Variants in TMEM272 observed in about 807,000 individuals in gnomAD.
TMEM272 encodes the protein transmembrane protein 272, also known as long intergenic non-protein coding RNA 282.
In TMEM272, 8 loss-of-function variants were observed where a neutral mutation model predicts 3.7. The observed-to-expected ratio is 2.17, with a 90% confidence interval of 1.27 to 3.91. The LOEUF (loss-of-function observed/expected upper bound fraction) is 3.91, where lower values mean the gene tolerates loss of function less well. Among genes scored for constraint, TMEM272 ranks in the 30% most tolerant of loss-of-function variants. The pLI is 0.00. For synonymous variants in TMEM272, 63 were observed against 39.8 expected (o/e 1.58, Z -2.20); for missense variants, 166 against 91.5 (o/e 1.81, Z -3.32).
At chr13:51,834,459 C>A (rs949823379) in intron 2 of TMEM272, among the ~76,000 whole-genome samples, 7 of 152,160 alleles carry the variant, frequency 4.6e-5, no homozygotes, top group Admixed American at 3.9e-4. Context: ...CAAGTAGGAG[C>A]TCAGAGTCAA....
In TMEM272 at chr13:51,822,069, C is replaced by T. The variant is rs776267662; in HGVS notation, c.187G>A (p.Val63Ile). ...IPLYLLVGGI[V>I]GTLKVSLLLY... ...AGATACTTTACCTTTAAGGTACCGA[C>T]GATGCCACCCACTAGCAAATATAAA... The change falls in exon 4 of 5, where the codon GTC becomes ATC. Residue 63 changes from valine to isoleucine, a missense_variant. By Grantham distance (29) the Val-to-Ile change is conservative. Coordinates refer to ENST00000629372, the MANE Select transcript of TMEM272 (RefSeq NM_001351003.2). 4.8e-5 allele frequency: 34 copies of T among 702,358 alleles called. No individual in the cohort carries two copies. Among genetic ancestry groups the T allele is most frequent in the South Asian group, 4.3e-4 (29 of 67,598 alleles). The allele number at this position is 702,358 out of a possible 1,614,324, so 43.5% of individuals were successfully genotyped here.
rs1593598855 is a variant in TMEM272, at chr13:51,838,482, C to T, written c.49G>A (p.Ala17Thr). ...KTCHQCISKI[A>T]SNACFVVVLC... is the part of the protein sequence containing the mutation. ...CAGAGTTGTGACTCACCATTGCTGG[C>T]GATTTTAGAAATGCACTGATGACAC... Residue 17 changes from alanine (A) to threonine (T), a missense_variant, in exon 2 of 5, where the codon GCC (alanine) becomes ACC (threonine). Transcript: ENST00000629372. The T allele has an allele frequency of 4.3e-6, 3 of 702,980 alleles. No individual in the cohort carries two copies. Among genetic ancestry groups the T allele is most frequent in the African/African-American group, 1.7e-5 (1 of 57,338 alleles). 43.5% of individuals were successfully genotyped at this position (702,980 alleles called of 1,614,324 possible).
At chr13:51,843,714 C>T (rs1218823581) in intron 1 of TMEM272, among the ~76,000 whole-genome samples, 1 of 152,216 alleles carries the variant, frequency 6.6e-6, no homozygotes, top group Non-Finnish European at 1.5e-5. Context: ...ACTTACAAGT[C>T]TATCCTTGGG....
chr13:51,831,283 G>A (rs143300651), intron 2 of TMEM272, among the ~76,000 whole-genome samples: 4 of 152,228 alleles, frequency 2.6e-5, no homozygotes, highest in Non-Finnish European at 4.4e-5. Flanking sequence ...TTAGCCAGGC[G>A]TGGTGGTGCA....
chr13:51,834,881 G>T (rs1356053548), intron 2 of TMEM272, among the ~76,000 whole-genome samples: 1 of 152,236 alleles, frequency 6.6e-6, no homozygotes, highest in African/African-American at 2.4e-5. Flanking sequence ...TTTCACTGCT[G>T]CCCAGGGATG....
chr13:51,919,465 T>C, the TMEM272 span, among the ~76,000 whole-genome samples: 2 of 152,190 alleles, frequency 1.3e-5, no homozygotes, highest in Non-Finnish European at 2.9e-5. Context: ...CTGAACTTGG[T>C]ATATAGCCCC....
At chr13:51,859,505 AACACACAC>A in the TMEM272 span, among the ~76,000 whole-genome samples, 3,580 of 129,940 alleles carry the variant, frequency 0.028, 74 homozygotes, top group Admixed American at 0.078. Flanking sequence ...CTCCCAACCA[AACACACAC>A]ACACACACAC....
the TMEM272 span, among the ~76,000 whole-genome samples, chr13:51,917,929 C>A: frequency 6.6e-6 from 1 of 152,202 alleles, no homozygotes. Flanking sequence ...TCAGTAACTT[C>A]TTTCCTGTTT....
At chr13:51,840,339 G>A (rs1593599923) in intron 1 of TMEM272, among the ~76,000 whole-genome samples, 1 of 152,138 alleles carries the variant, frequency 6.6e-6, no homozygotes, top group Admixed American at 6.5e-5. Context: ...TATTTAACCA[G>A]GCAAAGATTC....
chr13:51,867,399 C>T, the TMEM272 span, among the ~76,000 whole-genome samples: 3 of 152,272 alleles, frequency 2.0e-5, no homozygotes, highest in Middle Eastern at 3.4e-3. Context: ...CCCTGGGTCA[C>T]GGGAAGTGAC....
chr13:51,846,184 C>T (rs1956303631), upstream of TMEM272, among the ~76,000 whole-genome samples: 1 of 152,224 alleles, frequency 6.6e-6, no homozygotes, highest in Non-Finnish European at 1.5e-5. Flanking sequence ...CCACTTCACA[C>T]CACAGGACAG....
At chr13:51,863,678 C>CAG in the TMEM272 span, among the ~76,000 whole-genome samples, 9 of 96,034 alleles carry the variant, frequency 9.4e-5, no homozygotes, top group East Asian at 2.8e-4. Flanking sequence ...CACAGACACA[C>CAG]ACACACACAC....
upstream of TMEM272, among the ~76,000 whole-genome samples, chr13:51,845,705 G>T (rs1418350034): frequency 6.6e-6 from 1 of 152,228 alleles, no homozygotes; most frequent in Non-Finnish European, 1.5e-5. Context: ...TGAGGCTGTT[G>T]TGTGTCTGTA....
chr13:51,919,851 CT>C, the TMEM272 span, among the ~76,000 whole-genome samples: 1 of 152,208 alleles, frequency 6.6e-6, no homozygotes, highest in East Asian at 1.9e-4. Flanking sequence ...GACTCCCCCA[CT>C]CAAATGCAAG....
At chr13:51,896,081 C>A in the TMEM272 span, among the ~76,000 whole-genome samples, 2 of 152,174 alleles carry the variant, frequency 1.3e-5, no homozygotes, top group African/African-American at 2.4e-5. Context: ...CTGCTAAATT[C>A]TATTAGTGTT....
chr13:51,933,415 T>C, the TMEM272 span: 4 of 152,192 alleles, frequency 2.6e-5, no homozygotes, highest in Non-Finnish European at 5.9e-5. Context: ...TGGCAAGTAA[T>C]GGACAATGAA....
chr13:51,853,239 T>C, the TMEM272 span, among the ~76,000 whole-genome samples: 18 of 151,908 alleles, frequency 1.2e-4, no homozygotes, highest in African/African-American at 3.9e-4. Flanking sequence ...TGAAACCCCA[T>C]CTCTACTAAA....
the TMEM272 span, chr13:51,910,040 G>A: frequency 1.4e-6 from 2 of 1,430,456 alleles, no homozygotes; most frequent in South Asian, 1.1e-5. Context: ...GAAATCCCTT[G>A]AAGGTCATTT....
chr13:51,829,053 A>C (rs1443493492), intron 2 of TMEM272, among the ~76,000 whole-genome samples: 1 of 152,240 alleles, frequency 6.6e-6, no homozygotes, highest in African/African-American at 2.4e-5. Flanking sequence ...TGTGGGTAGA[A>C]TACACCCATA....
Sources: gnomAD v4.1 joint callset for allele counts (sites outside exome capture counted in the v4.1 genomes callset) on GRCh38, gnomAD v4.1.1 for gene constraint, MANE v1.5 for transcripts, NCBI Gene and HGNC (gene_info 2026-07-23, HGNC 2026-07-21) for gene names.